The following CCSER1 variants were observed in gnomAD, a reference collection of about 807,000 sequenced individuals.
The protein encoded by CCSER1 is coiled-coil serine rich protein 1.
CCSER1 carries 41 observed loss-of-function variants against 82.0 expected under a neutral mutation model. The observed-to-expected ratio is 0.50, with a 90% confidence interval of 0.39 to 0.65. The LOEUF is 0.65. Ranked by LOEUF, CCSER1 falls within the 30% of genes least tolerant of loss-of-function variation. CCSER1 has a pLI of 0.00. For missense variants in CCSER1, 1,119 were observed against 1,064.2 expected (o/e 1.05, Z -0.72); for synonymous variants, 414 against 383.9 (o/e 1.08, Z -0.92).
chr4:91,162,917 G>C (rs147601530), intron 10 of CCSER1, among the ~76,000 whole-genome samples: 2 of 151,820 alleles, frequency 1.3e-5, no homozygotes, highest in Admixed American at 6.6e-5. Context: ...AGGGTTTTTT[G>C]TGTCTCTATC....
intron 10 of CCSER1, among the ~76,000 whole-genome samples, chr4:91,400,452 A>G (rs1040822162): frequency 1.3e-5 from 2 of 150,850 alleles, no homozygotes; most frequent in African/African-American, 4.9e-5. Flanking sequence ...ATGCTTTTCA[A>G]TGCCTTCATA....
intron 9 of CCSER1, among the ~76,000 whole-genome samples, chr4:91,024,097 C>G (rs770770372): frequency 6.6e-6 from 1 of 152,114 alleles, no homozygotes; most frequent in Non-Finnish European, 1.5e-5. Flanking sequence ...TATAAAGCCA[C>G]GAGTTCCCTT....
chr4:90,547,086 A>G (rs1579086344), intron 5 of CCSER1, among the ~76,000 whole-genome samples: 3 of 152,106 alleles, frequency 2.0e-5, no homozygotes, highest in African/African-American at 7.2e-5. Context: ...TGGAAAGGTC[A>G]GAAAGATAAA....
chr4:90,663,384 G>T (rs535675078), intron 6 of CCSER1, among the ~76,000 whole-genome samples: 18 of 152,326 alleles, frequency 1.2e-4, no homozygotes, highest in Admixed American at 1.2e-3. Flanking sequence ...AAAGCTCGGA[G>T]TGTTTCTAGT....
chr4:90,291,385 A>G (rs989760550), intron 1 of CCSER1, among the ~76,000 whole-genome samples: 2 of 152,130 alleles, frequency 1.3e-5, no homozygotes. Flanking sequence ...ATGTTCCAAG[A>G]TGCAAAATCC....
At chr4:91,179,559 C>T (rs554002969) in intron 10 of CCSER1, among the ~76,000 whole-genome samples, 122 of 152,302 alleles carry the variant, frequency 8.0e-4, no homozygotes, top group African/African-American at 2.4e-3. Flanking sequence ...ATTTGGTCTT[C>T]GTTCATTGAT....
chr4:91,367,640 A>C lies in CCSER1; in HGVS notation c.2218-230932A>C, dbSNP rs186295621. On this transcript the variant is annotated intron_variant, in intron 10 of 10. Coordinates refer to ENST00000509176, the MANE Select transcript of CCSER1 (RefSeq NM_001145065.2). ...AATCTTGTCTCATACAAAGAACATCATGTCCACTCTCTACACATTACTATA... is the reference window on the plus strand; with the variant it reads ...AATCTTGTCTCATACAAAGAACATCCTGTCCACTCTCTACACATTACTATA... 3.3e-5 allele frequency among the ~76,000 whole-genome samples: 5 copies of C among 152,246 alleles called. No individual in the cohort carries two copies. The East Asian group carries it at 7.7e-4, about 24-fold the overall frequency.
At chr4:90,856,604 G>A (rs1764489864) in intron 8 of CCSER1, among the ~76,000 whole-genome samples, 1 of 152,042 alleles carries the variant, frequency 6.6e-6, no homozygotes, top group South Asian at 2.1e-4. Flanking sequence ...CGTAAAAGAA[G>A]TATGGCATAA....
intron 7 of CCSER1, among the ~76,000 whole-genome samples, chr4:90,790,339 C>T (rs1213506914): frequency 6.6e-6 from 1 of 152,112 alleles, no homozygotes; most frequent in Non-Finnish European, 1.5e-5. Flanking sequence ...CTGAATAAAA[C>T]ATAATTTATT....
chr4:90,178,983 A>G (rs1251364888), intron 1 of CCSER1, among the ~76,000 whole-genome samples: 3 of 152,158 alleles, frequency 2.0e-5, no homozygotes, highest in Non-Finnish European at 2.9e-5. Context: ...ACTTACGCAT[A>G]CATATATGCA....
At chr4:91,455,712 C>T (rs769195200) in intron 10 of CCSER1, among the ~76,000 whole-genome samples, 15 of 152,074 alleles carry the variant, frequency 9.9e-5, no homozygotes, top group Non-Finnish European at 2.2e-4. Context: ...GGAGTTGAAA[C>T]TCCCAGCACT....
chr4:91,382,648 C>T lies in CCSER1; in HGVS notation c.2218-215924C>T, dbSNP rs148969478. On this transcript the variant is annotated intron_variant, in intron 10 of 10. Coordinates refer to ENST00000509176, the MANE Select transcript of CCSER1 (RefSeq NM_001145065.2). Reference sequence around the variant, plus strand: ...GGAAAGGGAATTCCCTGACCCATTGCGCTTCTTGGGTGAGGCGATCCCTCA... The same window carrying T: ...GGAAAGGGAATTCCCTGACCCATTGTGCTTCTTGGGTGAGGCGATCCCTCA... Among the ~76,000 whole-genome samples, 111 of 152,288 alleles carry T rather than the reference C, an allele frequency of 7.3e-4. 1 individual carries two copies. The highest frequency in any genetic ancestry group is 5.5e-3 in the Admixed American group (84 of 15,288).
chr4:90,603,611 T>A (rs114428327), intron 5 of CCSER1, among the ~76,000 whole-genome samples: 6 of 120,212 alleles, frequency 5.0e-5, no homozygotes, highest in African/African-American at 2.7e-4. Flanking sequence ...AATTCTAACA[T>A]CTTTTCTCTT....
rs534462062 is a variant in CCSER1, at chr4:91,465,468, C to CA, written c.2218-133100dup. Among the ~76,000 whole-genome samples the CA allele has an allele frequency of 9.4e-3, 1,428 of 152,180 alleles. 24 individuals are homozygous for CA. Among genetic ancestry groups the CA allele is most frequent in the African/African-American group, 0.032 (1,334 of 41,492 alleles). On this transcript the variant is annotated intron_variant, in intron 10 of 10. Coordinates refer to ENST00000509176, the MANE Select transcript of CCSER1 (RefSeq NM_001145065.2). The stretch of plus-strand genomic sequence containing the variant: ...CTAGAGAAGCAAGAGCAAACATATT[C>CA]AAAAGCTAGCAGAAGGCAAGAAATA...
At chr4:90,604,569 A>G (rs1784392867) in intron 5 of CCSER1, among the ~76,000 whole-genome samples, 2 of 152,324 alleles carry the variant, frequency 1.3e-5, no homozygotes, top group East Asian at 3.9e-4. Context: ...ATGTATACTT[A>G]TGTATACATT....
At position 90,127,445 on chromosome 4, in the gene CCSER1, A is replaced by T. The variant is rs1259201749; in HGVS notation, c.-428A>T. The T allele has an allele frequency of 6.6e-6, 1 of 152,278 alleles. No homozygotes were observed. Among genetic ancestry groups the T allele is most frequent in the African/African-American group, 2.4e-5 (1 of 41,400 alleles). The allele number at this position is 152,278 out of a possible 1,614,324, so 9.4% of individuals were successfully genotyped here. ...GAGGTGGATCTCGCGCTCCCCACACAGTCACACTCCGCGCACTCACACACT... is the reference window on the plus strand; with the variant it reads ...GAGGTGGATCTCGCGCTCCCCACACTGTCACACTCCGCGCACTCACACACT... On this transcript the variant is annotated 5_prime_UTR_variant, in exon 1 of 11. Coordinates refer to ENST00000509176, the MANE Select transcript of CCSER1 (RefSeq NM_001145065.2).
At chr4:90,539,109 G>C (rs1421912613) in intron 5 of CCSER1, among the ~76,000 whole-genome samples, 1 of 151,854 alleles carries the variant, frequency 6.6e-6, no homozygotes, top group East Asian at 1.9e-4. Context: ...AATTATAAAG[G>C]TACGTAAACT....
chr4:90,548,749 T>TACAC (rs1553939942), intron 5 of CCSER1, among the ~76,000 whole-genome samples: 1 of 147,764 alleles, frequency 6.8e-6, no homozygotes, highest in African/African-American at 2.5e-5. Context: ...TATATATATA[T>TACAC]ACACACACAC....
intron 10 of CCSER1, among the ~76,000 whole-genome samples, chr4:91,153,670 A>G (rs7690065): frequency 0.02 from 2,988 of 151,902 alleles, 93 homozygotes; most frequent in African/African-American, 0.066. Context: ...GATGATTGTG[A>G]CATACCGATG....
Sources: gnomAD v4.1 joint callset for allele counts (sites outside exome capture counted in the v4.1 genomes callset) on GRCh38, gnomAD v4.1.1 for gene constraint, MANE v1.5 for transcripts, NCBI Gene and HGNC (gene_info 2026-07-23, HGNC 2026-07-21) for gene names.